AGO2: variants seen among roughly 807,000 people sequenced by gnomAD.
The protein encoded by AGO2 is argonaute RISC catalytic component 2, also known as protein argonaute-2.
Under a neutral mutation model 102.3 loss-of-function variants are expected in AGO2, and 5 were observed. The ratio of observed to expected loss-of-function variants is 0.05; its 90% CI spans 0.03 to 0.10. The LOEUF (loss-of-function observed/expected upper bound fraction) is 0.10. Ranked by LOEUF, AGO2 falls within the 10% of genes least tolerant of loss-of-function variation. The probability of loss-of-function intolerance (pLI) is 1.00; values close to 1 mark genes in which losing one functional copy is unlikely to be tolerated. For synonymous variants in AGO2, 449 were observed against 473.1 expected, an observed-to-expected ratio of 0.95 and a Z score of 0.66; for missense variants, 541 against 1,183.7, an observed-to-expected ratio of 0.46 and a Z score of 7.97.
At chr8:140,580,523 C>T (rs1483519755) in intron 2 of AGO2, among the ~76,000 whole-genome samples, 2 of 152,206 alleles carry the variant, frequency 1.3e-5, no homozygotes, top group African/African-American at 4.8e-5. Flanking sequence ...GCTCAGGGCC[C>T]CACCTTCGTC....
chr8:140,636,523 T>C (rs989553783), upstream of AGO2: 2 of 152,346 alleles, frequency 1.3e-5, no homozygotes, highest in African/African-American at 4.8e-5. Flanking sequence ...GGTCGCCTTT[T>C]CCCAGATTTC....
chr8:140,563,098 C>T (rs568481256), intron 3 of AGO2, among the ~76,000 whole-genome samples: 158 of 152,328 alleles, frequency 1.0e-3, no homozygotes, highest in African/African-American at 3.6e-3. Context: ...ACACACGAGC[C>T]CACTCAGGTG....
chr8:140,547,938 C>T (rs75637216), intron 12 of AGO2, among the ~76,000 whole-genome samples: 6,373 of 152,288 alleles, frequency 0.042, 181 homozygotes, highest in African/African-American at 0.081. Flanking sequence ...ATCAACAAAA[C>T]GATTTAAATG....
chr8:140,608,984 C>T lies in AGO2; in HGVS notation c.23-23673G>A, dbSNP rs542152397. Among the ~76,000 whole-genome samples the T allele has an allele frequency of 3.9e-5, 6 of 152,338 alleles. No homozygotes were observed. In the East Asian group the frequency reaches 1.2e-3, roughly 29 times the overall value. ...CACTGCCTCAGTTCCACCGGTGGGT[C>T]ACTGCCTCCCCAGGCCTAACACCCA... On this transcript the variant is annotated intron_variant, in intron 1 of 18. Transcript: ENST00000220592.
chr8:140,570,842 C>T (rs1407166577), intron 3 of AGO2, among the ~76,000 whole-genome samples: 1 of 152,202 alleles, frequency 6.6e-6, no homozygotes, highest in Non-Finnish European at 1.5e-5. Flanking sequence ...TTAATTTCCA[C>T]AATGACAGGT....
upstream of AGO2, among the ~76,000 whole-genome samples, chr8:140,639,374 G>T (rs1172726397): frequency 6.6e-6 from 1 of 151,630 alleles, no homozygotes; most frequent in African/African-American, 2.4e-5. Flanking sequence ...CCAGCTACTC[G>T]GGAGGCTGAG....
intron 2 of AGO2, among the ~76,000 whole-genome samples, chr8:140,579,612 G>C (rs534945002): frequency 6.6e-6 from 1 of 151,362 alleles, no homozygotes; most frequent in African/African-American, 2.4e-5. Flanking sequence ...ATGCCCCAGC[G>C]CACTCCTCTA....
At chr8:140,633,237 AAG>A (rs1411894251) in intron 1 of AGO2, among the ~76,000 whole-genome samples, 2 of 152,238 alleles carry the variant, frequency 1.3e-5, no homozygotes, top group East Asian at 1.9e-4. Flanking sequence ...TAAGATTAAA[AAG>A]AGTCTCAATG....
At chr8:140,563,065 C>T (rs2073228502) in intron 3 of AGO2, among the ~76,000 whole-genome samples, 1 of 152,172 alleles carries the variant, frequency 6.6e-6, no homozygotes, top group African/African-American at 2.4e-5. Flanking sequence ...CGATCTGGCC[C>T]TCATACCTCC....
At chr8:140,568,799 C>T (rs1265300712) in intron 3 of AGO2, among the ~76,000 whole-genome samples, 1 of 152,260 alleles carries the variant, frequency 6.6e-6, no homozygotes, top group African/African-American at 2.4e-5. Context: ...GATGACAGAG[C>T]AGGTACAGGG....
intron 3 of AGO2, among the ~76,000 whole-genome samples, chr8:140,569,235 T>C (rs1276296388): frequency 6.6e-6 from 1 of 152,240 alleles, no homozygotes; most frequent in Non-Finnish European, 1.5e-5. Flanking sequence ...TGTGCGTGGC[T>C]GTCTTCTCCC....
chr8:140,637,102 T>A (rs892246060), upstream of AGO2: 2 of 152,254 alleles, frequency 1.3e-5, no homozygotes, highest in African/African-American at 2.4e-5. Context: ...GCCAGGCCTG[T>A]TCCTTCCTGC....
In AGO2 at chr8:140,549,325, C is replaced by T. The variant is rs371281853; in HGVS notation, c.1404-27G>A. On this transcript the variant is annotated intron_variant, in intron 11 of 18. Transcript: ENST00000220592. The stretch of plus-strand genomic sequence containing the variant: ...TGCAGGAGAAGGCTCCGTTCACTAC[C>T]GGGCACTGGGAATGGCAGAGAACTC... The T allele has an allele frequency of 5.7e-5, 88 of 1,554,774 alleles. No homozygotes were observed. The African/African-American group carries it at 5.9e-4, about 10-fold the overall frequency.
rs1228627643 is a variant in AGO2 at position 140,539,477 on chromosome 8, G to T, written c.2035-23C>A. 2 of 1,600,210 alleles carry T rather than the reference G, an allele frequency of 1.2e-6. No homozygotes were observed. The highest frequency in any genetic ancestry group is 3.5e-5 in the Admixed American group (2 of 57,944). On this transcript the variant is annotated intron_variant, in intron 15 of 18. Transcript: ENST00000220592. The surrounding 1 kb of genome is among the most constrained non-coding windows in gnomAD (Gnocchi z 4.7). ...AACCTAGGGGTACGGGAGGGAGGAG[G>T]TTGTGCTTAAAGATGGTAGTGCATG...
chr8:140,549,393 A>G, intron 11 of AGO2, 95 bp from the exon 12 acceptor site: 1 of 1,289,034 alleles, frequency 7.8e-7, no homozygotes, highest in East Asian at 2.5e-5. Context: ...ATTTTTACAA[A>G]GCCCAAAGCA....
At chr8:140,606,804 G>A (rs2074004131) in intron 1 of AGO2, among the ~76,000 whole-genome samples, 1 of 150,492 alleles carries the variant, frequency 6.6e-6, no homozygotes, top group Non-Finnish European at 1.5e-5. Flanking sequence ...GGTCGTGGTG[G>A]CGTGTGCCTG....
chr8:140,588,047 C>T (rs1446968307), intron 1 of AGO2, among the ~76,000 whole-genome samples: 1 of 152,180 alleles, frequency 6.6e-6, no homozygotes, highest in African/African-American at 2.4e-5. Context: ...AAGGATGCTC[C>T]AAGGAGTAAT....
intron 4 of AGO2, among the ~76,000 whole-genome samples, chr8:140,561,531 C>T (rs146888436): frequency 9.8e-5 from 15 of 152,354 alleles, no homozygotes; most frequent in Admixed American, 2.6e-4. Flanking sequence ...CACGTACCTA[C>T]GGCCTTCCTC....
the AGO2 span, among the ~76,000 whole-genome samples, chr8:140,641,400 A>C: frequency 6.6e-6 from 1 of 152,170 alleles, no homozygotes; most frequent in African/African-American, 2.4e-5. Context: ...GAAGCCAAGT[A>C]TATAATGATG....
Sources: allele counts gnomAD v4.1 joint callset (sites outside exome capture counted in the v4.1 genomes callset), GRCh38; gene constraint gnomAD v4.1.1; non-coding constraint Gnocchi (gnomAD v3.1); transcripts MANE v1.5; gene names NCBI Gene and HGNC (gene_info 2026-07-23, HGNC 2026-07-21).